The following RUNX1 variants were observed in gnomAD, a reference collection of about 807,000 sequenced individuals.
The protein encoded by RUNX1 is RUNX family transcription factor 1, also known as runt-related transcription factor 1.
Under a neutral mutation model 42.8 loss-of-function variants are expected in RUNX1, and 19 were observed. That is an observed-to-expected ratio of 0.44 (90% CI 0.31 to 0.65). The LOEUF (loss-of-function observed/expected upper bound fraction) is 0.65, where lower values mean the gene tolerates loss of function less well. RUNX1 is among the 30% of genes least tolerant of loss of function. The pLI, the probability that RUNX1 is intolerant of heterozygous loss-of-function variation, is 0.07. For missense variants in RUNX1, 528 were observed against 672.0 expected (o/e 0.79, Z 2.37); for synonymous variants, 271 against 289.4 (o/e 0.94, Z 0.64).
chr21:34,791,109 A>T lies in RUNX1; in HGVS notation c.*1026T>A, dbSNP rs910288740. On this transcript the variant is annotated 3_prime_UTR_variant, in exon 9 of 9. Transcript: ENST00000675419. ...TTGGAGTGACCCTCAGTGTCTAAAA[A>T]TCCTATTAAAAACGTTGCTGCGTGA... The T allele has an allele frequency of 1.3e-5, 3 of 233,508 alleles. No individual in the cohort carries two copies. The highest frequency in any genetic ancestry group is 4.4e-5 in the African/African-American group (2 of 45,328). The allele number at this position is 233,508 out of a possible 1,614,324, so 14.5% of individuals were successfully genotyped here. A position where few individuals can be genotyped will look rare whatever the true frequency, so the allele number is the denominator to read the frequency against.
intron 2 of RUNX1, among the ~76,000 whole-genome samples, chr21:34,975,723 A>G (rs1032816973): frequency 3.3e-5 from 5 of 152,020 alleles, no homozygotes; most frequent in African/African-American, 9.7e-5. Context: ...GGAGGGGTGG[A>G]GAGGGTAGCA....
intron 6 of RUNX1, among the ~76,000 whole-genome samples, chr21:34,845,964 A>G (rs2057308135): frequency 6.6e-6 from 1 of 152,168 alleles, no homozygotes; most frequent in Non-Finnish European, 1.5e-5. Context: ...TTGCGGCTAG[A>G]TTATGAAGAT....
chr21:34,908,096 A>C (rs746882225), intron 2 of RUNX1, among the ~76,000 whole-genome samples: 13 of 152,286 alleles, frequency 8.5e-5, no homozygotes, highest in Middle Eastern at 6.8e-3. Context: ...ATTTACAGAA[A>C]ATTTACAACT....
intron 2 of RUNX1, among the ~76,000 whole-genome samples, chr21:35,006,933 G>T (rs942675265): frequency 1.2e-4 from 19 of 152,132 alleles, no homozygotes; most frequent in African/African-American, 4.3e-4. Flanking sequence ...GAAGTACCCA[G>T]TTAAGGAGGA....
At chr21:34,869,704 CG>C (rs1555896485) in intron 5 of RUNX1, among the ~76,000 whole-genome samples, 1 of 152,142 alleles carries the variant, frequency 6.6e-6, no homozygotes, top group Non-Finnish European at 1.5e-5. Context: ...GCGGAACATC[CG>C]GAAGTCCTCA....
At chr21:34,898,487 C>T (rs1262951233) in intron 2 of RUNX1, among the ~76,000 whole-genome samples, 1 of 152,150 alleles carries the variant, frequency 6.6e-6, no homozygotes, top group Non-Finnish European at 1.5e-5. Context: ...CTAAGCCATG[C>T]TCTCCAAAAG....
intron 2 of RUNX1, 56 bp from the exon 3 acceptor site, chr21:34,893,019 C>A (rs2058097591): frequency 8.2e-7 from 1 of 1,224,904 alleles, no homozygotes. Flanking sequence ...AATTAACTTT[C>A]CCCCGACTTT....
intron 7 of RUNX1, among the ~76,000 whole-genome samples, chr21:34,804,770 T>G (rs2056655628): frequency 6.8e-6 from 1 of 147,068 alleles, no homozygotes; most frequent in African/African-American, 2.5e-5. Context: ...TGAGACAGTG[T>G]CTCGCTCTGT....
At chr21:35,006,561 G>A (rs1263511561) in intron 2 of RUNX1, among the ~76,000 whole-genome samples, 2 of 152,188 alleles carry the variant, frequency 1.3e-5, no homozygotes, top group African/African-American at 2.4e-5. Context: ...GGAAAGTTAG[G>A]CAACCTCTCT....
rs115136632 is a variant in RUNX1 at position 34,861,726 on chromosome 21, T to A, written c.509-2148A>T. 5.6e-3 allele frequency among the ~76,000 whole-genome samples: 858 copies of A among 152,316 alleles called. 7 individuals carry two copies. Among genetic ancestry groups the A allele is most frequent in the African/African-American group, 0.02 (815 of 41,560 alleles). On this transcript the variant is annotated intron_variant, in intron 5 of 8. Coordinates refer to ENST00000675419, the MANE Select transcript of RUNX1 (RefSeq NM_001754.5). ...ACTTCGCCAATCCAAGGCTCCTTGC[T>A]GCACCCTTCACCCGAGTCTTCCTGC...
At chr21:34,850,493 A>G (rs1484285932) in intron 6 of RUNX1, among the ~76,000 whole-genome samples, 1 of 152,170 alleles carries the variant, frequency 6.6e-6, no homozygotes, top group African/African-American at 2.4e-5. Context: ...CACCTGCTAC[A>G]TTACACGTCA....
chr21:34,995,055 G>A (rs934260609), intron 2 of RUNX1, among the ~76,000 whole-genome samples: 3 of 152,206 alleles, frequency 2.0e-5, no homozygotes, highest in Non-Finnish European at 2.9e-5. Flanking sequence ...ATTTAAGCCC[G>A]AAAGGAAACT....
intron 5 of RUNX1, among the ~76,000 whole-genome samples, chr21:34,862,028 T>TAA (rs112283955): frequency 0.026 from 3,647 of 139,730 alleles, 61 homozygotes; most frequent in African/African-American, 0.044. Context: ...TATTTAAAAT[T>TAA]AAAAAAAAAA....
intron 2 of RUNX1, among the ~76,000 whole-genome samples, chr21:34,964,887 C>A (rs1007844246): frequency 1.3e-5 from 2 of 152,178 alleles, no homozygotes; most frequent in African/African-American, 2.4e-5. Flanking sequence ...TCAGCACACA[C>A]GTACACACAG....
At chr21:34,821,733 A>G in intron 7 of RUNX1, 1 of 1,536,736 alleles carries the variant, frequency 6.5e-7, no homozygotes, top group Non-Finnish European at 8.8e-7. Context: ...GAAAGTTCGA[A>G]AATAAGGACA....
Position 34,791,693 on chromosome 21 carries a change from T to TC in RUNX1, c.*441dup, listed in dbSNP as rs1196393640. The TC allele has an allele frequency of 4.3e-6, 1 of 230,252 alleles. No individual in the cohort carries two copies. 14.3% of individuals were successfully genotyped at this position (230,252 alleles called of 1,614,324 possible). A position where few individuals can be genotyped will look rare whatever the true frequency, so the allele number is the denominator to read the frequency against. On this transcript the variant is annotated 3_prime_UTR_variant, in exon 9 of 9. Coordinates refer to ENST00000675419, the MANE Select transcript of RUNX1 (RefSeq NM_001754.5). ...AACAGGGCGAGTTGCATCCCTCCTCTCCCCCCACCCCAACCAAAATTCCAC... is the reference window on the plus strand; with the variant it reads ...AACAGGGCGAGTTGCATCCCTCCTCTCCCCCCCACCCCAACCAAAATTCCAC...
chr21:34,963,741 G>A (rs1317772805), intron 2 of RUNX1, among the ~76,000 whole-genome samples: 1 of 152,200 alleles, frequency 6.6e-6, no homozygotes, highest in Non-Finnish European at 1.5e-5. Context: ...AATCAATGGG[G>A]CATTATTCAG....
At chr21:34,811,602 G>A (rs1371353970) in intron 7 of RUNX1, among the ~76,000 whole-genome samples, 1 of 152,204 alleles carries the variant, frequency 6.6e-6, no homozygotes, top group Non-Finnish European at 1.5e-5. Flanking sequence ...CAACTAGGAA[G>A]TCTCTGAATG....
intron 2 of RUNX1, among the ~76,000 whole-genome samples, chr21:34,934,624 G>A (rs536205689): frequency 2.1e-4 from 32 of 152,156 alleles, no homozygotes; most frequent in Admixed American, 3.3e-4. Flanking sequence ...ACATGCTGGT[G>A]CTTTAGGGGG....
Sources: allele counts gnomAD v4.1 joint callset (sites outside exome capture counted in the v4.1 genomes callset), GRCh38; gene constraint gnomAD v4.1.1; transcripts MANE v1.5; gene names NCBI Gene and HGNC (gene_info 2026-07-23, HGNC 2026-07-21).